Variants in KRT20 observed in about 807,000 individuals in gnomAD.
The protein encoded by KRT20 is keratin 20.
A neutral mutation model predicts 43.0 loss-of-function variants in KRT20; 41 were observed. The observed-to-expected ratio is 0.95, with a 90% CI of 0.74 to 1.24. The LOEUF (loss-of-function observed/expected upper bound fraction) is 1.24. KRT20 is among the 50% of genes most tolerant of loss of function. The pLI, the probability that KRT20 is intolerant of heterozygous loss-of-function variation, is 0.00. For missense variants in KRT20, 533 were observed against 521.2 expected (o/e 1.02, Z -0.22); for synonymous variants, 207 against 200.6 (o/e 1.03, Z -0.27).
In KRT20 at chr17:40,880,614, C is replaced by T. The variant is rs145542296; in HGVS notation, c.630G>A (p.Glu210=). 1.9e-6 allele frequency: 3 copies of T among 1,612,184 alleles called. No individual in the cohort carries two copies. The African/African-American group carries it at 4.0e-5, about 22-fold the overall frequency. ...DLALLKKEHQ[E]EVDGLHKHLG... ...ATACCACTTCTGAATATTTTCTCACCTCCTGATGCTCCTTTTTGAGGAGAG... is the reference window on the plus strand; with the variant it reads ...ATACCACTTCTGAATATTTTCTCACTTCCTGATGCTCCTTTTTGAGGAGAG... Residue 210 remains glutamate (E), a splice_region_variant and synonymous_variant, in exon 3 of 8, where the codon GAG becomes GAA. Coordinates refer to ENST00000167588, the MANE Select transcript of KRT20 (RefSeq NM_019010.3).
chr17:40,884,282 T>C (rs1352857341), intron 1 of KRT20, among the ~76,000 whole-genome samples: 2 of 152,208 alleles, frequency 1.3e-5, no homozygotes, highest in East Asian at 3.8e-4. Context: ...CAGGCATCAT[T>C]AAGACCCATA....
At chr17:40,882,713 A>ATTTATTTG in intron 1 of KRT20, 59 bp from the exon 2 acceptor site, 3 of 635,100 alleles carry the variant, frequency 4.7e-6, no homozygotes, top group Non-Finnish European at 6.5e-6. Context: ...TTATTTATTT[A>ATTTATTTG]TTTATTTATT....
chr17:40,879,886 G>A lies in KRT20; in HGVS notation c.845C>T (p.Thr282Ile), dbSNP rs775766747. 2 of 1,613,630 alleles carry A rather than the reference G, an allele frequency of 1.2e-6. No homozygotes were observed. Among genetic ancestry groups the A allele is most frequent in the South Asian group, 2.2e-5 (2 of 91,052 alleles). The change falls in exon 5 of 8, where the codon ACT becomes ATT. Residue 282 changes from threonine to isoleucine, a missense_variant. Physicochemically the swap from Thr to Ile is moderately conservative, Grantham distance 89. Transcript: ENST00000167588. ...VTVNTEELKG[T>I]EVQLTELRRT... ...TCTCAGCTCCGTTAGTTGAACCTCA[G>A]TTCCTTTTAATTCTTCAGTATTCAC...
Position 40,880,100 on chromosome 17 carries a change from C to A in KRT20, c.792G>T (p.Gln264His). 1 of 1,611,640 alleles carries A rather than the reference C, an allele frequency of 6.2e-7. No individual in the cohort carries two copies. The highest frequency in any genetic ancestry group is 8.5e-7 in the Non-Finnish European group (1 of 1,178,576). Residue 264 changes from glutamine (Q) to histidine (H), a missense_variant and splice_region_variant, in exon 4 of 8, where the codon CAG (glutamine) becomes CAT (histidine). Coordinates refer to ENST00000167588, the MANE Select transcript of KRT20 (RefSeq NM_019010.3). The part of the protein sequence containing the change: ...LQEAKEQFER[Q>H]TAVLQQQVTV... Reference sequence around the variant, plus strand: ...TCACCCTTTAGAATTGTGTGGTTACCTGTCTCTCAAACTGTTCTTTGGCCT... The same window carrying A: ...TCACCCTTTAGAATTGTGTGGTTACATGTCTCTCAAACTGTTCTTTGGCCT...
chr17:40,882,608 T>C lies in KRT20; in HGVS notation c.437A>G (p.Asp146Gly). 6.4e-7 allele frequency: 1 copy of C among 1,573,824 alleles called. No individual in the cohort carries two copies. The highest frequency in any genetic ancestry group is 1.7e-4 in the Middle Eastern group (1 of 5,890). ...LQNARCVLQI[D>G]NAKLAAEDFR... ...GTCCTCAGCAGCCAGTTTAGCATTATCAATTTGCAGGACACACCGAGCATT... is the reference window on the plus strand; with the variant it reads ...GTCCTCAGCAGCCAGTTTAGCATTACCAATTTGCAGGACACACCGAGCATT... The change falls in exon 2 of 8, where the codon GAT becomes GGT. Residue 146 changes from aspartate (D) to glycine (G), a missense_variant. Physicochemically the swap from Asp to Gly is moderately conservative, Grantham distance 94. Transcript: ENST00000167588.
chr17:40,880,031 A>G lies in KRT20; in HGVS notation c.792+69T>C, dbSNP rs1249339461. The G allele has an allele frequency of 3.8e-6, 6 of 1,594,952 alleles. No individual in the cohort carries two copies. The Admixed American group carries it at 1.0e-4, about 28-fold the overall frequency. On this transcript the variant is annotated intron_variant, in intron 4 of 7. Coordinates refer to ENST00000167588, the MANE Select transcript of KRT20 (RefSeq NM_019010.3). Reference sequence around the variant, plus strand: ...AAGGAAGAATGAACAAATGAAAAAGAAAATGAGTTATCTGTTTCTGGAGGA... The same window carrying G: ...AAGGAAGAATGAACAAATGAAAAAGGAAATGAGTTATCTGTTTCTGGAGGA...
chr17:40,880,768 T>C lies in KRT20; in HGVS notation c.476A>G (p.Tyr159Cys), dbSNP rs141871221. ...KLAAEDFRLK[Y>C]ETERGIRLTV... ...TAGACGTATTCCTCTCTCAGTCTCATACCTGTGAATTAATTAGTGTACAGA... is the reference window on the plus strand; with the variant it reads ...TAGACGTATTCCTCTCTCAGTCTCACACCTGTGAATTAATTAGTGTACAGA... Residue 159 changes from tyrosine (Y) to cysteine (C), a missense_variant and splice_region_variant, in exon 3 of 8, where the codon TAT (tyrosine) becomes TGT (cysteine). Physicochemically the swap from Tyr to Cys is radical, Grantham distance 194. Coordinates refer to ENST00000167588, the MANE Select transcript of KRT20 (RefSeq NM_019010.3). 8 of 1,527,796 alleles carry C rather than the reference T, an allele frequency of 5.2e-6. No individual in the cohort carries two copies. The highest frequency in any genetic ancestry group is 1.8e-4 in the Middle Eastern group (1 of 5,678). The allele number at this position is 1,527,796 out of a possible 1,614,324, so 94.6% of individuals were successfully genotyped here. A position where few individuals can be genotyped will look rare whatever the true frequency, so the allele number is the denominator to read the frequency against.
chr17:40,880,298 A>C (rs967686181), intron 3 of KRT20, 37 bp from the exon 4 acceptor site: 6 of 1,563,582 alleles, frequency 3.8e-6, no homozygotes, highest in Non-Finnish European at 5.2e-6. Context: ...TTTAGTCTGA[A>C]GCACATTCTC....
In KRT20 at chr17:40,875,929, G is replaced by C. The variant is rs1221996436; in HGVS notation, c.*432C>G. The C allele has an allele frequency of 6.5e-6, 1 of 153,678 alleles. No homozygotes were observed. Among genetic ancestry groups the C allele is most frequent in the East Asian group, 1.9e-4 (1 of 5,234 alleles). The allele number at this position is 153,678 out of a possible 1,614,324, so 9.5% of individuals were successfully genotyped here. On this transcript the variant is annotated 3_prime_UTR_variant, in exon 8 of 8. Transcript: ENST00000167588. ...AATAAGAAACCAGGGACTCCCAAAG[G>C]GGGTTTTACAATTCAGAAACAGGAA...
intron 5 of KRT20, among the ~76,000 whole-genome samples, chr17:40,878,602 C>T (rs143442371): frequency 3.4e-4 from 52 of 152,146 alleles, no homozygotes; most frequent in African/African-American, 1.2e-3. Context: ...TTCAGTGCGG[C>T]GCATTGTAGC....
chr17:40,885,132 G>A lies in KRT20; in HGVS notation c.54C>T (p.Ala18=), dbSNP rs756153189. The change falls in exon 1 of 8, where the codon GCC becomes GCT. Residue 18 remains alanine, a synonymous_variant. Transcript: ENST00000167588. ...FHRSLSSSLQ[A]PVVSTVGMQR... is the part of the protein sequence containing the mutation. ...GCATGCCCACTGTACTGACTACAGG[G>A]GCCTGCAAGGAGGAGCTCAGGCTTC... The A allele has an allele frequency of 1.2e-6, 2 of 1,612,616 alleles. No homozygotes were observed. The highest frequency in any genetic ancestry group is 1.7e-6 in the Non-Finnish European group (2 of 1,179,464).
At chr17:40,876,516 A>G in intron 7 of KRT20, 58 bp from the exon 8 acceptor site, 1 of 985,866 alleles carries the variant, frequency 1.0e-6, no homozygotes, top group Non-Finnish European at 1.6e-6. Flanking sequence ...CTGATTTATA[A>G]TATTCAACTT....
At chr17:40,879,518 T>C (rs1019885300) in intron 5 of KRT20, among the ~76,000 whole-genome samples, 1 of 152,046 alleles carries the variant, frequency 6.6e-6, no homozygotes, top group Non-Finnish European at 1.5e-5. Flanking sequence ...TTTAACTACA[T>C]CATAAATCTG....
At chr17:40,877,713 CT>C (rs1907406580) in intron 6 of KRT20, among the ~76,000 whole-genome samples, 1 of 152,090 alleles carries the variant, frequency 6.6e-6, no homozygotes, top group Non-Finnish European at 1.5e-5. Flanking sequence ...TGTTGATATT[CT>C]TAGGTATGGT....
chr17:40,884,892 A>G lies in KRT20; in HGVS notation c.294T>C (p.Leu98=). ...CGTACCACTGCTTGATTTGCACTTC[A>G]AGTTTGGAGTTGGACTGCTCCAGGG... is the stretch of plus-strand genomic sequence containing the variant. ...VRTLEQSNSK[L]EVQIKQWYET... The change falls in exon 1 of 8, where the codon CTT becomes CTC. Residue 98 remains leucine (L), a synonymous_variant. Coordinates refer to ENST00000167588, the MANE Select transcript of KRT20 (RefSeq NM_019010.3). 6.2e-7 allele frequency: 1 copy of G among 1,614,140 alleles called. No individual in the cohort carries two copies. The highest frequency in any genetic ancestry group is 1.1e-5 in the South Asian group (1 of 91,076).
rs777611351 is a variant in KRT20, at chr17:40,880,151, T to C, written c.741A>G (p.Glu247=). Residue 247 remains glutamate, a synonymous_variant, in exon 4 of 8, where the codon GAA becomes GAG. Transcript: ENST00000167588. ...VIMNEMRQKY[E]VMAQKNLQEA... is the part of the protein sequence containing the mutation. ...CTTGAAGGTTCTTCTGGGCCATGACTTCATACTTCTGCCTCATTTCATTCA... is the reference window on the plus strand; with the variant it reads ...CTTGAAGGTTCTTCTGGGCCATGACCTCATACTTCTGCCTCATTTCATTCA... 2.5e-6 allele frequency: 4 copies of C among 1,614,102 alleles called. No individual in the cohort carries two copies. Among genetic ancestry groups the C allele is most frequent in the Non-Finnish European group, 3.4e-6 (4 of 1,180,040 alleles).
chr17:40,884,952 A>G lies in KRT20; in HGVS notation c.234T>C (p.Asn78=), dbSNP rs116674487. The part of the protein sequence containing the change: ...GNEKMAMQNL[N]DRLASYLEKV... ...TTTCTAGGTAGCTCGCTAGACGGTC[A>G]TTTAGGTTCTGCATGGCCATTTTCT... The change falls in exon 1 of 8, where the codon AAT becomes AAC. Residue 78 remains asparagine, a synonymous_variant. Transcript: ENST00000167588. 8.3e-4 allele frequency: 1,339 copies of G among 1,614,194 alleles called. 11 individuals carry two copies. The African/African-American group carries it at 0.016, about 20-fold the overall frequency.
Position 40,879,943 on chromosome 17 carries a change from A to G in KRT20, c.793-5T>C. ...CTGTTGCTGCAGAACTGCAGTCTAC[A>G]GTGCCAAGAGTGAAAAAAAAATAGT... On this transcript the variant is annotated splice_region_variant and splice_polypyrimidine_tract_variant and intron_variant, in intron 4 of 7. Transcript: ENST00000167588. The G allele has an allele frequency of 6.2e-7, 1 of 1,609,794 alleles. No homozygotes were observed. The highest frequency in any genetic ancestry group is 8.5e-7 in the Non-Finnish European group (1 of 1,177,896).
intron 2 of KRT20, among the ~76,000 whole-genome samples, chr17:40,881,432 G>C (rs1304870829): frequency 1.3e-5 from 2 of 151,940 alleles, no homozygotes; most frequent in South Asian, 2.1e-4. Context: ...TTGTATTTTT[G>C]TATAGAGATG....
Sources: allele counts gnomAD v4.1 joint callset (sites outside exome capture counted in the v4.1 genomes callset), GRCh38; gene constraint gnomAD v4.1.1; transcripts MANE v1.5; gene names NCBI Gene and HGNC (gene_info 2026-07-23, HGNC 2026-07-21).